The following LRRTM4 variants were observed in gnomAD, a reference collection of about 807,000 sequenced individuals.
LRRTM4 encodes leucine rich repeat transmembrane neuronal 4.
LRRTM4 carries 25 observed loss-of-function variants against 47.6 expected under a neutral mutation model. The observed-to-expected ratio is 0.53, with a 90% CI of 0.38 to 0.73. LRRTM4 has a LOEUF of 0.73. Among genes scored for constraint, LRRTM4 ranks in the 30% least tolerant of loss-of-function variants. The pLI, the probability that LRRTM4 is intolerant of heterozygous loss-of-function variation, is 0.00. For missense variants in LRRTM4, 638 were observed against 713.4 expected, an observed-to-expected ratio of 0.89 and a Z score of 1.20; for synonymous variants, 311 against 269.5, an observed-to-expected ratio of 1.15 and a Z score of -1.51.
At chr2:77,099,387 T>A (rs1035555383) in intron 3 of LRRTM4, among the ~76,000 whole-genome samples, 1 of 151,982 alleles carries the variant, frequency 6.6e-6, no homozygotes, top group Non-Finnish European at 1.5e-5. Context: ...TCTGACTTTA[T>A]CTTTGTGTCT....
chr2:76,874,669 G>A (rs1466703799), intron 3 of LRRTM4, among the ~76,000 whole-genome samples: 1 of 151,746 alleles, frequency 6.6e-6, no homozygotes, highest in East Asian at 1.9e-4. Flanking sequence ...ATTTTAGATA[G>A]TGATTCAGTA....
At chr2:76,897,110 C>T (rs1243751928) in intron 3 of LRRTM4, among the ~76,000 whole-genome samples, 1 of 152,016 alleles carries the variant, frequency 6.6e-6, no homozygotes, top group Non-Finnish European at 1.5e-5. Flanking sequence ...GTCAATGCTC[C>T]AATGAGTTTG....
At chr2:77,414,756 T>G (rs1260835500) in intron 3 of LRRTM4, among the ~76,000 whole-genome samples, 1 of 152,192 alleles carries the variant, frequency 6.6e-6, no homozygotes, top group Non-Finnish European at 1.5e-5. Flanking sequence ...TTAGTTTATG[T>G]GATCAATGAG....
intron 3 of LRRTM4, among the ~76,000 whole-genome samples, chr2:77,052,211 T>C (rs1184417502): frequency 7.5e-6 from 1 of 133,072 alleles, no homozygotes; most frequent in Non-Finnish European, 1.5e-5. Context: ...TTGCCCAGGC[T>C]GGAGTACAGT....
At chr2:77,431,930 C>T (rs550841598) in intron 3 of LRRTM4, among the ~76,000 whole-genome samples, 71 of 151,772 alleles carry the variant, frequency 4.7e-4, no homozygotes, top group South Asian at 4.0e-3. Flanking sequence ...AAAAATTAGC[C>T]GGGCATGGTG....
intron 3 of LRRTM4, among the ~76,000 whole-genome samples, chr2:77,389,733 C>T (rs923333185): frequency 7.2e-5 from 11 of 151,910 alleles, no homozygotes; most frequent in African/African-American, 2.7e-4. Flanking sequence ...TGCCTCCCAC[C>T]CCATCACCCC....
At chr2:76,963,883 A>T (rs1234771879) in intron 3 of LRRTM4, among the ~76,000 whole-genome samples, 1 of 150,774 alleles carries the variant, frequency 6.6e-6, no homozygotes, top group Non-Finnish European at 1.5e-5. Flanking sequence ...ATATAATTTT[A>T]AAAATTTCAT....
intron 3 of LRRTM4, among the ~76,000 whole-genome samples, chr2:77,260,696 CAT>C (rs1303966836): frequency 2.8e-5 from 4 of 143,824 alleles, no homozygotes; most frequent in East Asian, 3.9e-4. Context: ...GCTGTCAAAA[CAT>C]AGCATTTTTC....
chr2:76,824,286 T>C (rs985829195), intron 3 of LRRTM4, among the ~76,000 whole-genome samples: 4 of 151,506 alleles, frequency 2.6e-5, no homozygotes, highest in Non-Finnish European at 5.9e-5. Flanking sequence ...TTTTGCATTC[T>C]CTTTCGACTG....
intron 3 of LRRTM4, among the ~76,000 whole-genome samples, chr2:77,509,859 C>G (rs773187132): frequency 8.5e-5 from 13 of 152,216 alleles, no homozygotes; most frequent in Admixed American, 3.9e-4. Flanking sequence ...GAGTCTGCTT[C>G]AAATCTAAGA....
At chr2:76,958,640 T>A (rs978888087) in intron 3 of LRRTM4, among the ~76,000 whole-genome samples, 4 of 151,738 alleles carry the variant, frequency 2.6e-5, no homozygotes, top group African/African-American at 9.7e-5. Context: ...ACTCTTGAAT[T>A]TCACTCATGT....
chr2:76,841,684 C>CTGTG (rs1044712897), intron 3 of LRRTM4, among the ~76,000 whole-genome samples: 1 of 144,998 alleles, frequency 6.9e-6, no homozygotes, highest in Non-Finnish European at 1.5e-5. Context: ...AAAAACTTTA[C>CTGTG]TGTGTATATA....
intron 3 of LRRTM4, among the ~76,000 whole-genome samples, chr2:77,312,301 C>G (rs932376386): frequency 1.3e-5 from 2 of 152,050 alleles, no homozygotes; most frequent in Non-Finnish European, 2.9e-5. Flanking sequence ...CTTTCAACCT[C>G]TTTTGGACTG....
chr2:77,321,225 CAG>C (rs1293590152), intron 3 of LRRTM4, among the ~76,000 whole-genome samples: 1 of 152,064 alleles, frequency 6.6e-6, no homozygotes, highest in African/African-American at 2.4e-5. Flanking sequence ...TGCATGCTGA[CAG>C]AGATTCCCCT....
At chr2:76,931,907 A>C (rs1674781169) in intron 3 of LRRTM4, among the ~76,000 whole-genome samples, 1 of 152,150 alleles carries the variant, frequency 6.6e-6, no homozygotes, top group African/African-American at 2.4e-5. Context: ...AGAGTGCATT[A>C]AGTTGAGAGA....
intron 3 of LRRTM4, among the ~76,000 whole-genome samples, chr2:77,309,394 C>T (rs1677383163): frequency 6.6e-6 from 1 of 152,264 alleles, no homozygotes; most frequent in South Asian, 2.1e-4. Flanking sequence ...TGCAGAATAT[C>T]TCTAAAATTG....
chr2:77,445,946 A>T (rs576954816), intron 3 of LRRTM4, among the ~76,000 whole-genome samples: 1 of 152,168 alleles, frequency 6.6e-6, no homozygotes, highest in African/African-American at 2.4e-5. Flanking sequence ...ATAGTTATTG[A>T]TATTATTAGT....
intron 3 of LRRTM4, among the ~76,000 whole-genome samples, chr2:77,271,969 T>C (rs1351066306): frequency 6.6e-6 from 1 of 152,184 alleles, no homozygotes; most frequent in Non-Finnish European, 1.5e-5. Flanking sequence ...TTTCAAGCCA[T>C]TATACTTGCT....
chr2:76,902,941 CT>C (rs1489240883), intron 3 of LRRTM4, among the ~76,000 whole-genome samples: 1 of 152,156 alleles, frequency 6.6e-6, no homozygotes, highest in African/African-American at 2.4e-5. Flanking sequence ...CTCTGAGTAA[CT>C]TTTTATATAA....
Sources: allele counts gnomAD v4.1 joint callset (sites outside exome capture counted in the v4.1 genomes callset), GRCh38; gene constraint gnomAD v4.1.1; transcripts MANE v1.5; gene names NCBI Gene and HGNC (gene_info 2026-07-23, HGNC 2026-07-21).